VTCN1: variants seen among roughly 807,000 people sequenced by gnomAD.
The protein encoded by VTCN1 is V-set domain-containing T-cell activation inhibitor 1.
VTCN1 carries 26 observed loss-of-function variants against 26.5 expected under a neutral mutation model. The observed-to-expected ratio is 0.98, with a 90% CI of 0.72 to 1.36. VTCN1 has a LOEUF of 1.36. Ranked by LOEUF, VTCN1 falls within the 40% of genes most tolerant of loss-of-function variation. The probability of loss-of-function intolerance (pLI) is 0.00; values close to 1 mark genes in which losing one functional copy is unlikely to be tolerated. For missense variants in VTCN1, 298 were observed against 337.7 expected, an observed-to-expected ratio of 0.88 and a Z score of 0.92; for synonymous variants, 116 against 130.7, an observed-to-expected ratio of 0.89 and a Z score of 0.77.
In VTCN1 at chr1:117,147,281, G is replaced by T. The variant is rs1278052029; in HGVS notation, c.*45+332C>A. On this transcript the variant is annotated intron_variant, in intron 5 of 5. Coordinates refer to ENST00000369458, the MANE Select transcript of VTCN1 (RefSeq NM_024626.4). The surrounding 1 kb of genome is among the most constrained non-coding windows in gnomAD (Gnocchi z 4.6). ...ATGATGATATGCTTTATAAATAACA[G>T]TGGAATCCAGGGTAATTACTCAGGG... 6.6e-6 allele frequency among the ~76,000 whole-genome samples: 1 copy of T among 152,154 alleles called. No homozygotes were observed. Among genetic ancestry groups the T allele is most frequent in the Non-Finnish European group, 1.5e-5 (1 of 68,036 alleles).
intron 1 of VTCN1, among the ~76,000 whole-genome samples, chr1:117,205,547 A>G (rs1474859075): frequency 6.6e-6 from 1 of 152,128 alleles, no homozygotes; most frequent in Non-Finnish European, 1.5e-5. Flanking sequence ...ACACAGACCA[A>G]CAATCCACAG....
At chr1:117,208,625 C>A (rs1222257182) in intron 1 of VTCN1, among the ~76,000 whole-genome samples, 3 of 152,166 alleles carry the variant, frequency 2.0e-5, no homozygotes, top group Non-Finnish European at 4.4e-5. Flanking sequence ...CCCTGTCCTC[C>A]TAGCAAGCAT....
intron 1 of VTCN1, among the ~76,000 whole-genome samples, chr1:117,194,724 A>G (rs925582333): frequency 6.6e-6 from 1 of 152,284 alleles, no homozygotes; most frequent in Non-Finnish European, 1.5e-5. Flanking sequence ...GTGGTAACAC[A>G]GATGGAACCT....
chr1:117,191,097 A>AT (rs1570981445), intron 1 of VTCN1, among the ~76,000 whole-genome samples: 3 of 152,348 alleles, frequency 2.0e-5, no homozygotes. Flanking sequence ...CTAAACAGAA[A>AT]TTTTGGAGCT....
chr1:117,171,595 A>G (rs1465508987), intron 1 of VTCN1, among the ~76,000 whole-genome samples: 2 of 152,192 alleles, frequency 1.3e-5, no homozygotes, highest in African/African-American at 4.8e-5. Flanking sequence ...AACAAATGAC[A>G]CCCGGGAAAC....
intron 1 of VTCN1, among the ~76,000 whole-genome samples, chr1:117,206,496 A>G (rs1231702459): frequency 6.6e-6 from 1 of 152,190 alleles, no homozygotes; most frequent in African/African-American, 2.4e-5. Flanking sequence ...CATTTCATAG[A>G]TAGGGCAATT....
intron 2 of VTCN1, among the ~76,000 whole-genome samples, chr1:117,164,828 G>A (rs868553611): frequency 6.6e-6 from 1 of 152,194 alleles, no homozygotes; most frequent in East Asian, 1.9e-4. Context: ...CTTCTCGAAG[G>A]CTTATCCACA....
intron 1 of VTCN1, chr1:117,172,290 C>T (rs955195390): frequency 2.0e-6 from 1 of 508,826 alleles, no homozygotes; most frequent in Admixed American, 2.0e-5. Context: ...AGTTCCCCTG[C>T]CGGCCAAGCC....
At chr1:117,166,016 G>T (rs1652588042) in intron 2 of VTCN1, among the ~76,000 whole-genome samples, 1 of 152,146 alleles carries the variant, frequency 6.6e-6, no homozygotes, top group South Asian at 2.1e-4. Context: ...TGGGAAGGAG[G>T]CAGAACACCT....
chr1:117,152,144 T>C (rs1651833223), intron 4 of VTCN1, among the ~76,000 whole-genome samples: 1 of 152,358 alleles, frequency 6.6e-6, no homozygotes, highest in Middle Eastern at 3.4e-3. Context: ...TTTTCTCCCA[T>C]TCCATAGGTT....
At chr1:117,201,669 T>G (rs1445926585) in intron 1 of VTCN1, among the ~76,000 whole-genome samples, 1 of 152,212 alleles carries the variant, frequency 6.6e-6, no homozygotes, top group African/African-American at 2.4e-5. Flanking sequence ...AAGGTGAAGG[T>G]GACCACTGTG....
chr1:117,197,471 C>T (rs1317124886), intron 1 of VTCN1, among the ~76,000 whole-genome samples: 1 of 152,160 alleles, frequency 6.6e-6, no homozygotes, highest in African/African-American at 2.4e-5. Context: ...AATGGAAACA[C>T]TTCAGCTATA....
intron 1 of VTCN1, among the ~76,000 whole-genome samples, chr1:117,185,003 C>A (rs1647865542): frequency 6.6e-6 from 1 of 152,156 alleles, no homozygotes; most frequent in Non-Finnish European, 1.5e-5. Flanking sequence ...AGAAAAGGAA[C>A]AAATGCTGGT....
chr1:117,156,127 T>C (rs1399234596), intron 3 of VTCN1, among the ~76,000 whole-genome samples: 1 of 152,206 alleles, frequency 6.6e-6, no homozygotes, highest in East Asian at 1.9e-4. Flanking sequence ...GGGGAATTAA[T>C]GAGTTTATAG....
chr1:117,155,647 A>G lies in VTCN1; in HGVS notation c.445+927T>C, dbSNP rs569956961. On this transcript the variant is annotated intron_variant, in intron 3 of 5. Transcript: ENST00000369458. This position sits in a 1 kb window ranked among gnomAD's most constrained non-coding sequence, Gnocchi z 4.8. ...GAGGCTCAGAGAGATTGCTTTGCCC[A>G]GGCCACTGTACTTACACAGGTCTGA... 6.6e-6 allele frequency among the ~76,000 whole-genome samples: 1 copy of G among 152,288 alleles called. No homozygotes were observed. The highest frequency in any genetic ancestry group is 1.9e-4 in the East Asian group (1 of 5,172).
intron 1 of VTCN1, among the ~76,000 whole-genome samples, chr1:117,208,064 C>T (rs10923228): frequency 0.17 from 25,156 of 152,092 alleles, 2,224 homozygotes; most frequent in East Asian, 0.28. Flanking sequence ...GAAAGTTGGA[C>T]ACCAATATGG....
At chr1:117,154,971 G>A (rs1651994978) in intron 3 of VTCN1, among the ~76,000 whole-genome samples, 1 of 152,034 alleles carries the variant, frequency 6.6e-6, no homozygotes, top group Non-Finnish European at 1.5e-5. Flanking sequence ...TGTTGCTTGA[G>A]TTTCTTCTAG....
chr1:117,146,478 A>G lies in VTCN1; in HGVS notation c.*45+1135T>C, dbSNP rs1453483055. Among the ~76,000 whole-genome samples, 1 of 152,232 alleles carries G rather than the reference A, an allele frequency of 6.6e-6. No individual in the cohort carries two copies. The highest frequency in any genetic ancestry group is 1.5e-5 in the Non-Finnish European group (1 of 68,032). On this transcript the variant is annotated intron_variant, in intron 5 of 5. Transcript: ENST00000369458. The surrounding 1 kb of genome is among the most constrained non-coding windows in gnomAD (Gnocchi z 4.2). ...ACATGTACCCTGGAGAGTGTAAGAC[A>G]TAAATCATACATGCATGCCAAGAGG...
At chr1:117,156,211 A>G (rs777465290) in intron 3 of VTCN1, among the ~76,000 whole-genome samples, 1 of 152,184 alleles carries the variant, frequency 6.6e-6, no homozygotes, top group Non-Finnish European at 1.5e-5. Flanking sequence ...GTCTCTGAAG[A>G]TACTGATTTC....
Sources: gnomAD v4.1 joint callset for allele counts (sites outside exome capture counted in the v4.1 genomes callset) on GRCh38, gnomAD v4.1.1 for gene constraint, Gnocchi (gnomAD v3.1) non-coding constraint, MANE v1.5 for transcripts, NCBI Gene and HGNC (gene_info 2026-07-23, HGNC 2026-07-21) for gene names.